Variants in ZNF846 observed in about 807,000 individuals in gnomAD.
ZNF846 encodes zinc finger protein 846, also known as zinc finger protein 420 pseudogene.
A neutral mutation model predicts 16.0 loss-of-function variants in ZNF846; 15 were observed. That is an observed-to-expected ratio of 0.94 (90% confidence interval 0.63 to 1.45). The LOEUF is 1.45. Among genes scored for constraint, ZNF846 ranks in the 40% most tolerant of loss-of-function variants. ZNF846 has a pLI of 0.00. For missense variants in ZNF846, 714 were observed against 622.3 expected, an observed-to-expected ratio of 1.15 and a Z score of -1.57; for synonymous variants, 229 against 212.0, an observed-to-expected ratio of 1.08 and a Z score of -0.70.
Position 9,758,147 on chromosome 19 carries a change from A to C in ZNF846, c.930T>G (p.Tyr310Ter), listed in dbSNP as rs747448509. The stretch of plus-strand genomic sequence containing the variant: ...AGGCTTTTCCACATTCCATACATAC[A>C]TAGGGCTTCTTTCCACTGTGGATTC... The change falls in exon 6 of 6, where the codon TAT becomes TAG. Residue 310 changes from tyrosine to a stop codon, truncating the protein, a stop_gained. Transcript: ENST00000397902. LOFTEE classifies it low-confidence loss of function (END_TRUNC). 3.7e-6 allele frequency: 6 copies of C among 1,613,490 alleles called. No individual in the cohort carries two copies. The Admixed American group carries it at 8.3e-5, about 22-fold the overall frequency.
intron 1 of ZNF846, among the ~76,000 whole-genome samples, chr19:9,785,138 A>G (rs1001685330): frequency 1.3e-5 from 2 of 151,796 alleles, no homozygotes; most frequent in Non-Finnish European, 2.9e-5. Flanking sequence ...CAGCCTCACA[A>G]TACCCCGGCC....
At chr19:9,762,618 C>T (rs2045248622) in intron 3 of ZNF846, 1 of 159,242 alleles carries the variant, frequency 6.3e-6, no homozygotes, top group African/African-American at 2.4e-5. Context: ...TTAATCCATA[C>T]ATTAAATAAA....
chr19:9,774,635 G>C (rs757347011), intron 1 of ZNF846: 157 of 1,445,964 alleles, frequency 1.1e-4, no homozygotes, highest in Non-Finnish European at 1.5e-4. Context: ...CTCTCCATAT[G>C]ATTAGGTGAC....
At chr19:9,778,787 G>A (rs940315023) in intron 1 of ZNF846, among the ~76,000 whole-genome samples, 2 of 126,554 alleles carry the variant, frequency 1.6e-5, no homozygotes, top group South Asian at 5.4e-4. Context: ...TGGGCAACAA[G>A]AGCGAAAACT....
intron 1 of ZNF846, among the ~76,000 whole-genome samples, chr19:9,778,575 C>T (rs552739646): frequency 6.6e-5 from 10 of 152,044 alleles, no homozygotes; most frequent in Non-Finnish European, 5.9e-5. Flanking sequence ...GAGGCCAAGG[C>T]GGATGGATCA....
chr19:9,765,192 G>T (rs2045295429), intron 1 of ZNF846, among the ~76,000 whole-genome samples, 157 bp from the exon 2 acceptor site: 1 of 152,058 alleles, frequency 6.6e-6, no homozygotes, highest in Non-Finnish European at 1.5e-5. Context: ...GGCCAACAGG[G>T]TGAAACCCTG....
At chr19:9,755,863 T>C (rs1331944890), downstream of ZNF846, among the ~76,000 whole-genome samples, 34 of 127,610 alleles carry the variant, frequency 2.7e-4, 1 homozygote, top group South Asian at 3.3e-3. Context: ...TTTTTTGAGA[T>C]GGAGTTTTGC....
intron 1 of ZNF846, among the ~76,000 whole-genome samples, chr19:9,777,136 AAC>A (rs575407990): frequency 0.013 from 1,975 of 149,544 alleles, 25 homozygotes; most frequent in South Asian, 0.042. Context: ...AACGAAAGAA[AAC>A]ACACACACAC....
At chr19:9,758,463 C>T (rs544217428) in exon 6 of ZNF846, 4 of 1,613,526 alleles carry the variant, frequency 2.5e-6, no homozygotes, top group Non-Finnish European at 3.4e-6. Flanking sequence ...AAGAAAAGTT[C>T]TCCAACAGTC....
exon 6 of ZNF846, chr19:9,758,132 A>C: frequency 6.2e-7 from 1 of 1,613,596 alleles, no homozygotes. Flanking sequence ...AGGCTTTTCC[A>C]CATTCCATAC....
At chr19:9,770,596 A>G (rs2045381808), upstream of ZNF846, among the ~76,000 whole-genome samples, 2 of 151,896 alleles carry the variant, frequency 1.3e-5, no homozygotes, top group South Asian at 2.1e-4. Flanking sequence ...AGCTGGGTGC[A>G]GTGGCTCACA....
chr19:9,770,250 C>T (rs1256398257), upstream of ZNF846, among the ~76,000 whole-genome samples: 1 of 150,578 alleles, frequency 6.6e-6, no homozygotes, highest in Non-Finnish European at 1.5e-5. Context: ...CCAGCCCCAC[C>T]CCCACCCCCA....
intron 1 of ZNF846, among the ~76,000 whole-genome samples, chr19:9,773,706 C>T (rs953628421): frequency 2.6e-5 from 4 of 151,886 alleles, no homozygotes; most frequent in East Asian, 3.9e-4. Flanking sequence ...CACTTGAACC[C>T]GGTAGGTGGA....
intron 1 of ZNF846, among the ~76,000 whole-genome samples, chr19:9,784,029 GA>G (rs1321935272): frequency 6.6e-6 from 1 of 151,940 alleles, no homozygotes; most frequent in Non-Finnish European, 1.5e-5. Flanking sequence ...TTTTCCTAAA[GA>G]AAAAAAGTCC....
exon 4 of ZNF846, chr19:9,762,168 G>A (rs768401720): frequency 1.9e-6 from 3 of 1,613,670 alleles, no homozygotes; most frequent in Non-Finnish European, 2.5e-6. Context: ...TTCAGACCCT[G>A]CTGGAGGGAA....
chr19:9,773,477 T>A (rs1036037281), upstream of ZNF846, among the ~76,000 whole-genome samples: 3 of 152,040 alleles, frequency 2.0e-5, no homozygotes, highest in Admixed American at 6.6e-5. Flanking sequence ...GTAAGAAAAA[T>A]TAATTTTGAA....
chr19:9,762,248 C>T (rs758873898), intron 3 of ZNF846, 80 bp from the exon 4 acceptor site: 22 of 1,074,524 alleles, frequency 2.0e-5, no homozygotes, highest in African/African-American at 3.2e-5. Context: ...AATACTTTTG[C>T]CTTCGGGGAT....
At chr19:9,783,020 C>T (rs2045517218) in intron 1 of ZNF846, among the ~76,000 whole-genome samples, 1 of 151,756 alleles carries the variant, frequency 6.6e-6, no homozygotes, top group Non-Finnish European at 1.5e-5. Context: ...CTCCCAGGCT[C>T]AAGCAATCCT....
intron 1 of ZNF846, among the ~76,000 whole-genome samples, chr19:9,775,589 C>T (rs1288004035): frequency 1.3e-5 from 2 of 152,200 alleles, no homozygotes; most frequent in Non-Finnish European, 2.9e-5. Flanking sequence ...GGATAACTCA[C>T]ACCATTCACA....
Sources: allele counts gnomAD v4.1 joint callset (sites outside exome capture counted in the v4.1 genomes callset), GRCh38; gene constraint gnomAD v4.1.1; transcripts MANE v1.5; gene names NCBI Gene and HGNC (gene_info 2026-07-23, HGNC 2026-07-21).